Variants in SLC22A23 observed in about 807,000 individuals in gnomAD.
SLC22A23 encodes ion transporter protein.
A neutral mutation model predicts 61.0 loss-of-function variants in SLC22A23; 26 were observed. The observed-to-expected ratio is 0.43, with a 90% CI of 0.31 to 0.59. The LOEUF (loss-of-function observed/expected upper bound fraction) is 0.59. Ranked by LOEUF, SLC22A23 falls within the 20% of genes least tolerant of loss-of-function variation. SLC22A23 has a pLI of 0.11. For missense variants in SLC22A23, 796 were observed against 934.7 expected (o/e 0.85, Z 1.94); for synonymous variants, 430 against 413.9 (o/e 1.04, Z -0.47).
At chr6:3,409,453 CAAAG>C (rs1769059316) in intron 3 of SLC22A23, among the ~76,000 whole-genome samples, 1 of 152,084 alleles carries the variant, frequency 6.6e-6, no homozygotes, top group African/African-American at 2.4e-5. Context: ...TGCGTGTGGT[CAAAG>C]AAAGAGAAAA....
At chr6:3,433,659 G>A (rs775645334) in intron 1 of SLC22A23, among the ~76,000 whole-genome samples, 18 of 152,130 alleles carry the variant, frequency 1.2e-4, no homozygotes, top group Non-Finnish European at 1.8e-4. Context: ...ACAACCCTGC[G>A]TCCATCACCA....
chr6:3,310,430 G>A (rs113548076), intron 4 of SLC22A23, among the ~76,000 whole-genome samples: 8 of 127,902 alleles, frequency 6.3e-5, no homozygotes, highest in East Asian at 2.7e-4. Flanking sequence ...TCTCCCACTC[G>A]AGCACCCTGT....
intron 4 of SLC22A23, among the ~76,000 whole-genome samples, chr6:3,299,648 A>C (rs1761438562): frequency 6.6e-6 from 1 of 152,254 alleles, no homozygotes; most frequent in South Asian, 2.1e-4. Context: ...GCAGAGCAGG[A>C]GTTGGCACGC....
chr6:3,294,773 T>C (rs1760926482), intron 5 of SLC22A23, among the ~76,000 whole-genome samples: 1 of 152,186 alleles, frequency 6.6e-6, no homozygotes, highest in Non-Finnish European at 1.5e-5. Context: ...CCCACATATC[T>C]AAACTCAGCT....
chr6:3,422,923 G>A (rs1002295274), intron 1 of SLC22A23, among the ~76,000 whole-genome samples: 2 of 152,030 alleles, frequency 1.3e-5, no homozygotes, highest in South Asian at 4.1e-4. Context: ...CCTCTCTAAG[G>A]AAACCCACCC....
chr6:3,361,779 G>C (rs1471653578), intron 3 of SLC22A23, among the ~76,000 whole-genome samples: 3 of 152,338 alleles, frequency 2.0e-5, no homozygotes, highest in African/African-American at 7.2e-5. Context: ...AGAAACATGA[G>C]GCCATCTCAA....
At chr6:3,451,002 T>C (rs1772131915) in intron 1 of SLC22A23, among the ~76,000 whole-genome samples, 1 of 152,206 alleles carries the variant, frequency 6.6e-6, no homozygotes, top group African/African-American at 2.4e-5. Flanking sequence ...TCAGAAATCT[T>C]TGCAAATTCA....
rs9501978 is a variant in SLC22A23 at position 3,285,055 on chromosome 6, A to G, written c.1579+24T>C. 10,450 of 1,612,232 alleles carry G rather than the reference A, an allele frequency of 6.5e-3. 595 individuals are homozygous for G. In the African/African-American group the frequency reaches 0.12, roughly 19 times the overall value. The stretch of plus-strand genomic sequence containing the variant: ...TAGATGTAATATGAGACGAGGAAGC[A>G]CAGCCCACGCGCTTGGGACTCACCT... On this transcript the variant is annotated intron_variant, in intron 8 of 9. Coordinates refer to ENST00000406686, the MANE Select transcript of SLC22A23 (RefSeq NM_015482.2).
chr6:3,434,807 C>T (rs1771100196), intron 1 of SLC22A23, among the ~76,000 whole-genome samples: 1 of 152,118 alleles, frequency 6.6e-6, no homozygotes, highest in Non-Finnish European at 1.5e-5. Flanking sequence ...GGAGAGGGGG[C>T]ATTTGATCGT....
At chr6:3,419,653 CCTT>C (rs997592418) in intron 1 of SLC22A23, among the ~76,000 whole-genome samples, 2 of 152,258 alleles carry the variant, frequency 1.3e-5, no homozygotes, top group African/African-American at 4.8e-5. Flanking sequence ...GGGACAGTGA[CCTT>C]CTAATTCTTC....
chr6:3,406,423 C>T (rs990424945), intron 3 of SLC22A23, among the ~76,000 whole-genome samples: 1 of 152,168 alleles, frequency 6.6e-6, no homozygotes, highest in Non-Finnish European at 1.5e-5. Context: ...TTTCTTTAGG[C>T]TGAAAATAAG....
At chr6:3,319,888 G>A (rs924004518) in intron 4 of SLC22A23, among the ~76,000 whole-genome samples, 21 of 152,194 alleles carry the variant, frequency 1.4e-4, no homozygotes, top group Admixed American at 5.2e-4. Context: ...ACAGTCCTGC[G>A]TGGTGCAGAC....
At chr6:3,429,302 A>C (rs918312633) in intron 1 of SLC22A23, among the ~76,000 whole-genome samples, 2 of 152,204 alleles carry the variant, frequency 1.3e-5, no homozygotes, top group Non-Finnish European at 2.9e-5. Flanking sequence ...TCTTCTCAAG[A>C]GTTTATAACT....
chr6:3,289,519 C>T (rs1016187200), intron 6 of SLC22A23, among the ~76,000 whole-genome samples: 2 of 152,244 alleles, frequency 1.3e-5, no homozygotes, highest in Non-Finnish European at 2.9e-5. Context: ...TTTCCTGGAC[C>T]TCATGGGCAC....
Position 3,362,439 on chromosome 6 carries a change from A to AAAAAAAAAAAAAAAAAAAAAG in SLC22A23, c.914-38438_914-38437insCTTTTTTTTTTTTTTTTTTTT, listed in dbSNP as rs1765537404. On this transcript the variant is annotated intron_variant, in intron 3 of 9. Transcript: ENST00000406686. ...AAATAAAATAAAAAATAAAAAATAA[A>AAAAAAAAAAAAAAAAAAAAAG]AATTAGCATGCATTTTCATCAGGGA... Among the ~76,000 whole-genome samples the AAAAAAAAAAAAAAAAAAAAAG allele has an allele frequency of 1.5e-5, 2 of 137,436 alleles. 1 individual carries two copies. Among genetic ancestry groups the AAAAAAAAAAAAAAAAAAAAAG allele is most frequent in the Non-Finnish European group, 3.0e-5 (2 of 66,134 alleles). The allele number at this position is 137,436 out of a possible 152,430, so 90.2% of individuals were successfully genotyped here. A position where few individuals can be genotyped will look rare whatever the true frequency, so the allele number is the denominator to read the frequency against.
At position 3,454,075 on chromosome 6, in the gene SLC22A23, TC is replaced by T. The variant is rs1468096487; in HGVS notation, c.654+1830del. On this transcript the variant is annotated intron_variant, in intron 1 of 9. Coordinates refer to ENST00000406686, the MANE Select transcript of SLC22A23 (RefSeq NM_015482.2). This position sits in a 1 kb window ranked among gnomAD's most constrained non-coding sequence, Gnocchi z 4.3. The stretch of plus-strand genomic sequence containing the variant: ...TTTTTTGTCTGTGAAAATCAATATG[TC>T]CTTTCTAGGCTTTACTGTATAAGAA... 6.6e-6 allele frequency among the ~76,000 whole-genome samples: 1 copy of T among 152,184 alleles called. No homozygotes were observed. Among genetic ancestry groups the T allele is most frequent in the Non-Finnish European group, 1.5e-5 (1 of 68,040 alleles).
In SLC22A23 at chr6:3,270,875, G is replaced by A. The variant is rs561859395; in HGVS notation, c.*2180C>T. 3 of 152,124 alleles carry A rather than the reference G, an allele frequency of 2.0e-5. No homozygotes were observed. In the East Asian group the frequency reaches 5.7e-4, roughly 29 times the overall value. 9.4% of individuals were successfully genotyped at this position (152,124 alleles called of 1,614,324 possible). A position where few individuals can be genotyped will look rare whatever the true frequency, so the allele number is the denominator to read the frequency against. On this transcript the variant is annotated 3_prime_UTR_variant, in exon 10 of 10. Coordinates refer to ENST00000406686, the MANE Select transcript of SLC22A23 (RefSeq NM_015482.2). The stretch of plus-strand genomic sequence containing the variant: ...GTTTACACGACCAGTGAGACTGCTC[G>A]CAACTTTCATCACTTAGCATATCCT...
rs567923685 is a variant in SLC22A23, at chr6:3,434,290, G to A, written c.655-18435C>T. Among the ~76,000 whole-genome samples the A allele has an allele frequency of 2.0e-5, 3 of 152,126 alleles. No homozygotes were observed. In the East Asian group the frequency reaches 5.8e-4, roughly 29 times the overall value. ...ATCACGCCACTGTACTCCACCCTGG[G>A]CGACAGAGCGAAACTCTGTAAATAA... On this transcript the variant is annotated intron_variant, in intron 1 of 9. Coordinates refer to ENST00000406686, the MANE Select transcript of SLC22A23 (RefSeq NM_015482.2).
In SLC22A23 at chr6:3,347,494, C is replaced by T. The variant is rs115023007; in HGVS notation, c.914-23492G>A. Among the ~76,000 whole-genome samples, 1,274 of 152,024 alleles carry T rather than the reference C, an allele frequency of 8.4e-3. 4 individuals carry two copies. The highest frequency in any genetic ancestry group is 0.013 in the Admixed American group (193 of 15,262). On this transcript the variant is annotated intron_variant, in intron 3 of 9. Transcript: ENST00000406686. Reference sequence around the variant, plus strand: ...CACCAGGAGCACTTAGTCATTCCTTCCCCTGGGTAACAGGAGGCAGGGCCC... The same window carrying T: ...CACCAGGAGCACTTAGTCATTCCTTTCCCTGGGTAACAGGAGGCAGGGCCC...
Sources: gnomAD v4.1 joint callset for allele counts (sites outside exome capture counted in the v4.1 genomes callset) on GRCh38, gnomAD v4.1.1 for gene constraint, Gnocchi (gnomAD v3.1) non-coding constraint, MANE v1.5 for transcripts, NCBI Gene and HGNC (gene_info 2026-07-23, HGNC 2026-07-21) for gene names.